ABHD12: variants seen among roughly 807,000 people sequenced by gnomAD.
The protein encoded by ABHD12 is abhydrolase domain containing 12, lysophospholipase.
In ABHD12, 43 loss-of-function variants were observed where a neutral mutation model predicts 58.3. That is an observed-to-expected ratio of 0.74 (90% CI 0.58 to 0.95). The LOEUF (loss-of-function observed/expected upper bound fraction) is 0.95. ABHD12 is among the 40% of genes least tolerant of loss of function. The probability of loss-of-function intolerance (pLI) is 0.00; values close to 1 mark genes in which losing one functional copy is unlikely to be tolerated. For missense variants in ABHD12, 539 were observed against 537.2 expected, an observed-to-expected ratio of 1.00 and a Z score of -0.03; for synonymous variants, 219 against 211.2, an observed-to-expected ratio of 1.04 and a Z score of -0.32.
chr20:25,356,437 C>G (rs1452191572), intron 1 of ABHD12, among the ~76,000 whole-genome samples: 1 of 152,252 alleles, frequency 6.6e-6, no homozygotes, highest in Non-Finnish European at 1.5e-5. Flanking sequence ...GGGTGCAGGT[C>G]CCTCTGTGGA....
chr20:25,369,490 G>A (rs958878361), intron 1 of ABHD12, among the ~76,000 whole-genome samples: 8 of 152,100 alleles, frequency 5.3e-5, no homozygotes, highest in African/African-American at 1.2e-4. Flanking sequence ...ATCACTTTGC[G>A]ACACTGCCAC....
chr20:25,390,383 G>C, intron 1 of ABHD12, 130 bp downstream of exon 1: 1 of 944,426 alleles, frequency 1.1e-6, no homozygotes, highest in Non-Finnish European at 1.4e-6. Flanking sequence ...GGCGCGGACG[G>C]GGGCGGCCGC....
intron 1 of ABHD12, among the ~76,000 whole-genome samples, chr20:25,374,025 G>C (rs1425594811): frequency 6.6e-6 from 1 of 152,158 alleles, no homozygotes; most frequent in Non-Finnish European, 1.5e-5. Context: ...CCAGGCTCAA[G>C]CAATCCTCCC....
At chr20:25,319,704 T>C (rs898298306) in intron 4 of ABHD12, among the ~76,000 whole-genome samples, 1 of 152,194 alleles carries the variant, frequency 6.6e-6, no homozygotes, top group Non-Finnish European at 1.5e-5. Flanking sequence ...CAAGTGCCAC[T>C]ATGACCCCTC....
At chr20:25,329,786 G>C (rs560891169) in intron 2 of ABHD12, among the ~76,000 whole-genome samples, 99 of 152,248 alleles carry the variant, frequency 6.5e-4, no homozygotes, top group Non-Finnish European at 9.6e-4. Flanking sequence ...TTGGTTATTT[G>C]GGTTTTATCA....
intron 1 of ABHD12, among the ~76,000 whole-genome samples, chr20:25,374,811 A>G (rs2089942529): frequency 6.6e-6 from 1 of 152,084 alleles, no homozygotes; most frequent in Admixed American, 6.5e-5. Flanking sequence ...ACAGTGTTTT[A>G]ATGTGCTTCT....
At chr20:25,295,737 ATTGT>A (rs1464894884), downstream of ABHD12, 23 of 1,489,964 alleles carry the variant, frequency 1.5e-5, no homozygotes, top group Non-Finnish European at 2.1e-5. Flanking sequence ...GTTGGGTCAG[ATTGT>A]TTATTTCCCA....
chr20:25,307,044 G>A, intron 9 of ABHD12, 129 bp from the exon 10 acceptor site: 1 of 715,954 alleles, frequency 1.4e-6, no homozygotes, highest in Non-Finnish European at 2.5e-6. Context: ...TAAGGGAGCA[G>A]GGGTGACATT....
chr20:25,360,524 C>A (rs1006802176), intron 1 of ABHD12, among the ~76,000 whole-genome samples: 2 of 152,064 alleles, frequency 1.3e-5, no homozygotes, highest in African/African-American at 4.8e-5. Flanking sequence ...CAGGTGTGAG[C>A]CACCATGCCC....
At chr20:25,321,189 T>C (rs1325123257) in intron 3 of ABHD12, among the ~76,000 whole-genome samples, 3 of 152,246 alleles carry the variant, frequency 2.0e-5, no homozygotes, top group Non-Finnish European at 4.4e-5. Context: ...CATACAGTTA[T>C]AAATTTGAGG....
At chr20:25,335,449 A>G (rs2089347829) in intron 2 of ABHD12, among the ~76,000 whole-genome samples, 1 of 147,550 alleles carries the variant, frequency 6.8e-6, no homozygotes, top group Non-Finnish European at 1.5e-5. Flanking sequence ...CAGCCATCCC[A>G]TTACTGGGTA....
chr20:25,316,248 C>T (rs747285940), intron 5 of ABHD12, among the ~76,000 whole-genome samples: 2 of 152,224 alleles, frequency 1.3e-5, no homozygotes, highest in African/African-American at 4.8e-5. Context: ...CAACCTCCGC[C>T]TCCCAGGTTT....
At chr20:25,330,050 A>G (rs559629381) in intron 2 of ABHD12, among the ~76,000 whole-genome samples, 2 of 152,372 alleles carry the variant, frequency 1.3e-5, no homozygotes, top group South Asian at 4.1e-4. Flanking sequence ...CATCTGAGGT[A>G]CCAGGTTCAT....
chr20:25,376,064 G>A (rs1204135811), intron 1 of ABHD12, among the ~76,000 whole-genome samples: 3 of 152,132 alleles, frequency 2.0e-5, no homozygotes, highest in Non-Finnish European at 4.4e-5. Flanking sequence ...GGAGATTGTA[G>A]TGAGCCCAGA....
intron 10 of ABHD12, among the ~76,000 whole-genome samples, 160 bp from the exon 11 acceptor site, chr20:25,303,788 T>C (rs559673938): frequency 1.9e-4 from 29 of 152,356 alleles, no homozygotes; most frequent in African/African-American, 7.0e-4. Flanking sequence ...AACTCTTCAT[T>C]ATCTCTATGA....
chr20:25,389,030 T>C (rs936194371), intron 1 of ABHD12, among the ~76,000 whole-genome samples: 3 of 152,156 alleles, frequency 2.0e-5, no homozygotes, highest in East Asian at 1.9e-4. Context: ...GGTCTCGAAC[T>C]CCTGACCTCT....
chr20:25,319,620 A>G (rs761919938), intron 4 of ABHD12, among the ~76,000 whole-genome samples: 19 of 152,294 alleles, frequency 1.2e-4, no homozygotes, highest in African/African-American at 2.6e-4. Context: ...TTCAGGCAGC[A>G]TGACAGATAT....
In ABHD12 at chr20:25,348,446, T is replaced by TA. The variant is rs59369733; in HGVS notation, c.192-9096dup. On this transcript the variant is annotated intron_variant, in intron 1 of 12. Coordinates refer to ENST00000339157, the MANE Select transcript of ABHD12 (RefSeq NM_001042472.3). ...TAATTCAATGACACAAACCATTTGGTAAAAAAAAAAAAAAAAAAAAACAAA... is the reference window on the plus strand; with the variant it reads ...TAATTCAATGACACAAACCATTTGGTAAAAAAAAAAAAAAAAAAAAAACAAA... Among the ~76,000 whole-genome samples, 232 of 124,246 alleles carry TA rather than the reference T, an allele frequency of 1.9e-3. 2 individuals are homozygous for TA. The East Asian group carries it at 0.027, about 14-fold the overall frequency. The allele number at this position is 124,246 out of a possible 152,430, so 81.5% of individuals were successfully genotyped here.
chr20:25,307,161 G>A (rs894308778), intron 9 of ABHD12, among the ~76,000 whole-genome samples: 4 of 152,216 alleles, frequency 2.6e-5, no homozygotes, highest in African/African-American at 9.6e-5. Flanking sequence ...AGACTGGCAT[G>A]GCAGGGGCTG....
Sources: allele counts gnomAD v4.1 joint callset (sites outside exome capture counted in the v4.1 genomes callset), GRCh38; gene constraint gnomAD v4.1.1; transcripts MANE v1.5; gene names NCBI Gene and HGNC (gene_info 2026-07-23, HGNC 2026-07-21).